Variants in LMO7 observed in about 807,000 individuals in gnomAD.
The protein encoded by LMO7 is LIM domain 7, also known as LIM domain only protein 7.
A neutral mutation model predicts 206.5 loss-of-function variants in LMO7; 120 were observed. That is an observed-to-expected ratio of 0.58 (90% CI 0.50 to 0.68). The LOEUF (loss-of-function observed/expected upper bound fraction) is 0.68, where lower values mean the gene tolerates loss of function less well. LMO7 is among the 30% of genes least tolerant of loss of function. LMO7 has a pLI of 0.00. For missense variants in LMO7, 1,959 were observed against 1,957.9 expected (o/e 1.00, Z -0.01); for synonymous variants, 706 against 681.5 (o/e 1.04, Z -0.56).
chr13:75,838,896 C>T (rs1396075802), intron 20 of LMO7, among the ~76,000 whole-genome samples: 1 of 152,122 alleles, frequency 6.6e-6, no homozygotes, highest in South Asian at 2.1e-4. Flanking sequence ...TGTTTTGCTA[C>T]TAAGAACTTA....
chr13:75,637,121 G>A (rs1383681491), intron 1 of LMO7, among the ~76,000 whole-genome samples: 1 of 148,746 alleles, frequency 6.7e-6, no homozygotes, highest in Non-Finnish European at 1.5e-5. Flanking sequence ...CCCTCGGGGT[G>A]CCTAGAAGTG....
rs141210049 is a variant in LMO7, at chr13:75,741,513, C to T, written c.210+14415C>T. On this transcript the variant is annotated intron_variant, in intron 3 of 30. Transcript: ENST00000377534. The stretch of plus-strand genomic sequence containing the variant: ...CACCGGCAAACTGAATCCAGCAGCA[C>T]ATCAAATAGCTTATCTACCATGATC... 3.5e-3 allele frequency among the ~76,000 whole-genome samples: 533 copies of T among 152,306 alleles called. 4 individuals carry two copies. Among genetic ancestry groups the T allele is most frequent in the African/African-American group, 0.012 (500 of 41,576 alleles).
chr13:75,654,765 T>C (rs746836057), intron 1 of LMO7, among the ~76,000 whole-genome samples: 12 of 152,130 alleles, frequency 7.9e-5, no homozygotes, highest in African/African-American at 1.4e-4. Flanking sequence ...TTTTCTCCTC[T>C]TCATCTTCTA....
At chr13:75,687,645 CAG>C (rs1298272962) in intron 1 of LMO7, among the ~76,000 whole-genome samples, 3 of 151,882 alleles carry the variant, frequency 2.0e-5, no homozygotes, top group African/African-American at 7.3e-5. Flanking sequence ...TTCAAAGGAA[CAG>C]AAAATTAATG....
At chr13:75,687,891 C>T (rs1362142228) in intron 1 of LMO7, among the ~76,000 whole-genome samples, 1 of 152,122 alleles carries the variant, frequency 6.6e-6, no homozygotes, top group Non-Finnish European at 1.5e-5. Flanking sequence ...AATTGTAGCT[C>T]CCATAATCCC....
At chr13:75,710,570 G>A (rs1418533211) in intron 1 of LMO7, among the ~76,000 whole-genome samples, 1 of 151,600 alleles carries the variant, frequency 6.6e-6, no homozygotes, top group Admixed American at 6.6e-5. Context: ...ATTGTGAATG[G>A]GAGTTCACTC....
chr13:75,812,246 T>C (rs887943625), intron 11 of LMO7, among the ~76,000 whole-genome samples: 4 of 152,204 alleles, frequency 2.6e-5, no homozygotes, highest in African/African-American at 7.2e-5. Flanking sequence ...GGAACCCTCA[T>C]TGAGACTATA....
chr13:75,634,366 A>G (rs2138875066), upstream of LMO7, among the ~76,000 whole-genome samples: 1 of 151,970 alleles, frequency 6.6e-6, no homozygotes, highest in East Asian at 2.0e-4. Flanking sequence ...TGAGCCCAGG[A>G]GTTCAAGGTC....
chr13:75,806,320 T>A, intron 9 of LMO7: 1 of 839,702 alleles, frequency 1.2e-6, no homozygotes, highest in Non-Finnish European at 1.4e-6. Context: ...ACCCTCTGCC[T>A]GCTTCTGCTG....
intron 1 of LMO7, among the ~76,000 whole-genome samples, chr13:75,671,209 C>CT (rs36091764): frequency 0.046 from 6,825 of 147,192 alleles, 208 homozygotes; most frequent in Middle Eastern, 0.075. Flanking sequence ...TACAGTTAAC[C>CT]TTTTTTTTTT....
upstream of LMO7, chr13:75,631,384 C>A (rs2034926001): frequency 2.0e-5 from 3 of 152,208 alleles, no homozygotes; most frequent in African/African-American, 4.8e-5. Flanking sequence ...TTTACTCCAT[C>A]ATCTCTATTG....
chr13:75,648,874 T>G (rs1184262914), intron 1 of LMO7, among the ~76,000 whole-genome samples: 3 of 152,184 alleles, frequency 2.0e-5, no homozygotes, highest in Non-Finnish European at 2.9e-5. Flanking sequence ...ACTTGTCCTG[T>G]CAGGGAGGAA....
Position 75,859,606 on chromosome 13 carries a change from C to T in LMO7, c.*1663C>T, listed in dbSNP as rs997147844. The T allele has an allele frequency of 6.6e-6, 1 of 152,162 alleles. No homozygotes were observed. Among genetic ancestry groups the T allele is most frequent in the Admixed American group, 6.5e-5 (1 of 15,276 alleles). The allele number at this position is 152,162 out of a possible 1,614,324, so 9.4% of individuals were successfully genotyped here. A position where few individuals can be genotyped will look rare whatever the true frequency, so the allele number is the denominator to read the frequency against. On this transcript the variant is annotated 3_prime_UTR_variant, in exon 31 of 31. Coordinates refer to ENST00000377534, the MANE Select transcript of LMO7 (RefSeq NM_001306080.2). ...TGTAAATTCTGTGATACTCTATGAT[C>T]ATCTCTTTCTTTATATTATTTTCAT...
intron 1 of LMO7, among the ~76,000 whole-genome samples, chr13:75,706,823 A>C (rs1170114287): frequency 6.6e-6 from 1 of 152,162 alleles, no homozygotes; most frequent in African/African-American, 2.4e-5. Flanking sequence ...TTAGAGTCTA[A>C]TGTAGTTGAG....
chr13:75,646,485 C>G (rs913830771), intron 1 of LMO7, among the ~76,000 whole-genome samples: 16 of 152,156 alleles, frequency 1.1e-4, no homozygotes, highest in Non-Finnish European at 1.8e-4. Context: ...TGATCTGTTC[C>G]CGGCTTGCCT....
At chr13:75,737,842 CAAAAAAAAA>C (rs768622923) in intron 3 of LMO7, among the ~76,000 whole-genome samples, 1 of 37,740 alleles carries the variant, frequency 2.6e-5, no homozygotes, top group African/African-American at 1.2e-4. Flanking sequence ...AGGAAGCTGC[CAAAAAAAAA>C]AAAAAAAAAA....
At chr13:75,754,388 A>G (rs1594750602) in intron 3 of LMO7, among the ~76,000 whole-genome samples, 1 of 152,172 alleles carries the variant, frequency 6.6e-6, no homozygotes, top group Non-Finnish European at 1.5e-5. Flanking sequence ...AGACCACAAC[A>G]TGTTTATCCA....
chr13:75,676,234 T>G (rs1437705102), intron 1 of LMO7, among the ~76,000 whole-genome samples: 1 of 152,204 alleles, frequency 6.6e-6, no homozygotes, highest in African/African-American at 2.4e-5. Context: ...CTGTCAAGTA[T>G]AACATATTAA....
At chr13:75,838,247 C>T (rs1243286606) in intron 20 of LMO7, 51 bp downstream of exon 20, 11 of 1,531,522 alleles carry the variant, frequency 7.2e-6, no homozygotes, top group Non-Finnish European at 9.9e-6. Context: ...TGTTCTCCCT[C>T]TCCACTCTTC....
Sources: gnomAD v4.1 joint callset for allele counts (sites outside exome capture counted in the v4.1 genomes callset) on GRCh38, gnomAD v4.1.1 for gene constraint, MANE v1.5 for transcripts, NCBI Gene and HGNC (gene_info 2026-07-23, HGNC 2026-07-21) for gene names.